The following USH2A variants were observed in gnomAD, a reference collection of about 807,000 sequenced individuals.
The protein encoded by USH2A is Usher syndrome 2A (autosomal recessive, mild).
In USH2A, 443 loss-of-function variants were observed where a neutral mutation model predicts 538.9. The ratio of observed to expected loss-of-function variants is 0.82; its 90% CI spans 0.76 to 0.89. The LOEUF (loss-of-function observed/expected upper bound fraction) is 0.89, where lower values mean the gene tolerates loss of function less well. USH2A is among the 40% of genes least tolerant of loss of function. The pLI is 0.00. For synonymous variants in USH2A, 2,413 were observed against 2,273.5 expected (o/e 1.06, Z -1.75); for missense variants, 6,633 against 6,324.8 (o/e 1.05, Z -1.65).
At chr1:215,746,168 T>G (rs1056648296) in intron 58 of USH2A, among the ~76,000 whole-genome samples, 4 of 152,198 alleles carry the variant, frequency 2.6e-5, no homozygotes, top group Admixed American at 1.3e-4. Context: ...CATGTCTGCG[T>G]GGTTTCTTTA....
At chr1:216,203,234 T>C (rs567681970) in intron 16 of USH2A, among the ~76,000 whole-genome samples, 1 of 151,908 alleles carries the variant, frequency 6.6e-6, no homozygotes, top group South Asian at 2.1e-4. Context: ...TATATGTATA[T>C]ATATACACAT....
chr1:216,095,543 C>A (rs1236731815), intron 22 of USH2A, among the ~76,000 whole-genome samples: 1 of 152,098 alleles, frequency 6.6e-6, no homozygotes, highest in Non-Finnish European at 1.5e-5. Context: ...TTACTCACTG[C>A]CCACCTGCTG....
At chr1:216,306,911 C>A (rs766481610) in intron 9 of USH2A, among the ~76,000 whole-genome samples, 1 of 152,172 alleles carries the variant, frequency 6.6e-6, no homozygotes, top group Non-Finnish European at 1.5e-5. Flanking sequence ...CCCTGGATAC[C>A]AGCACCTGCT....
chr1:215,671,368 G>A, intron 63 of USH2A, 75 bp from the exon 64 acceptor site: 1 of 1,433,776 alleles, frequency 7.0e-7, no homozygotes, highest in Non-Finnish European at 9.6e-7. Flanking sequence ...AAAACACCAG[G>A]CCTTAAAAAA....
chr1:215,723,488 T>C (rs886665733), intron 61 of USH2A, among the ~76,000 whole-genome samples: 3 of 152,200 alleles, frequency 2.0e-5, no homozygotes, highest in African/African-American at 7.2e-5. Flanking sequence ...AAGCTAGTGA[T>C]GGCACCACAA....
In USH2A at chr1:216,067,394, A is replaced by G. The variant is rs573436137; in HGVS notation, c.6049+2707T>C. On this transcript the variant is annotated intron_variant, in intron 30 of 71. Transcript: ENST00000307340. ...ACAAGCCTGCACATTCTGCACATGT[A>G]TCCCAGAACTTAAAGTATAATTAAA... Among the ~76,000 whole-genome samples, 530 of 152,004 alleles carry G rather than the reference A, an allele frequency of 3.5e-3. 5 individuals are homozygous for G. The highest frequency in any genetic ancestry group is 0.012 in the African/African-American group (503 of 41,438).
At chr1:216,376,914 TATCTGCTAAA>T (rs2038833169) in intron 3 of USH2A, among the ~76,000 whole-genome samples, 1 of 152,208 alleles carries the variant, frequency 6.6e-6, no homozygotes, top group Non-Finnish European at 1.5e-5. Flanking sequence ...GCATGAGTTA[TATCTGCTAAA>T]ATCTTCAACA....
At chr1:216,045,037 G>A (rs1245572115) in intron 32 of USH2A, among the ~76,000 whole-genome samples, 1 of 152,140 alleles carries the variant, frequency 6.6e-6, no homozygotes, top group Non-Finnish European at 1.5e-5. Flanking sequence ...CCCCCATGAA[G>A]CTGTGAGCAC....
At chr1:216,088,892 A>AAT in intron 23 of USH2A, 121 bp downstream of exon 23, 1 of 1,453,022 alleles carries the variant, frequency 6.9e-7, no homozygotes, top group Non-Finnish European at 9.4e-7. Context: ...ATTCAACAGC[A>AAT]ATATATATGG....
At position 215,648,543 on chromosome 1, in the gene USH2A, T is replaced by G. The variant is rs139799843; in HGVS notation, c.14567A>C (p.Asn4856Thr). ...SFRWSPPMFP[N>T]GVIHSYELQF... ...GACCCATTACCTGTGAATGACACCA[T>G]TGGGGAACATGGGGGGACTCCACCG... is the stretch of plus-strand genomic sequence containing the variant. Residue 4856 changes from asparagine (N) to threonine (T), a missense_variant, in exon 66 of 72, where the codon AAT becomes ACT. Physicochemically the swap from Asn to Thr is moderately conservative, Grantham distance 65 (BLOSUM62 0). Transcript: ENST00000307340. 3 of 1,614,114 alleles carry G rather than the reference T, an allele frequency of 1.9e-6. No homozygotes were observed. Among genetic ancestry groups the G allele is most frequent in the Non-Finnish European group, 2.5e-6 (3 of 1,180,004 alleles).
At chr1:215,929,999 T>G (rs1666324698) in intron 38 of USH2A, among the ~76,000 whole-genome samples, 1 of 152,028 alleles carries the variant, frequency 6.6e-6, no homozygotes, top group African/African-American at 2.4e-5. Context: ...CCATTTTGCC[T>G]TTTTCAATTT....
chr1:215,993,190 T>C lies in USH2A; in HGVS notation c.6658-23A>G, dbSNP rs772073037. The C allele has an allele frequency of 1.9e-6, 3 of 1,613,870 alleles. No individual in the cohort carries two copies. In the African/African-American group the frequency reaches 4.0e-5, roughly 22 times the overall value. On this transcript the variant is annotated intron_variant, in intron 34 of 71. Coordinates refer to ENST00000307340, the MANE Select transcript of USH2A (RefSeq NM_206933.4). Reference sequence around the variant, plus strand: ...AGCCTAAACAGAGATGCAAAAATGCTCATTTCACTCTTGGTCCCAAAAGTT... The same window carrying C: ...AGCCTAAACAGAGATGCAAAAATGCCCATTTCACTCTTGGTCCCAAAAGTT...
At chr1:216,011,706 T>A (rs1015374740) in intron 32 of USH2A, among the ~76,000 whole-genome samples, 21 of 152,160 alleles carry the variant, frequency 1.4e-4, no homozygotes, top group Non-Finnish European at 2.8e-4. Flanking sequence ...CTCAACTTAC[T>A]CTCTACATTT....
Position 216,048,661 on chromosome 1 carries a change from G to A in USH2A, c.6050-14C>T, listed in dbSNP as rs373004987. Reference sequence around the variant, plus strand: ...CTGTCAATATGCCTATAATAAAAAGGGACAAAAGAGGGTTGCGTGTTTACC... The same window carrying A: ...CTGTCAATATGCCTATAATAAAAAGAGACAAAAGAGGGTTGCGTGTTTACC... On this transcript the variant is annotated splice_polypyrimidine_tract_variant and intron_variant, in intron 30 of 71. Transcript: ENST00000307340. 37 of 1,602,786 alleles carry A rather than the reference G, an allele frequency of 2.3e-5. No homozygotes were observed. In the Middle Eastern group the frequency reaches 8.3e-4, roughly 36 times the overall value.
chr1:215,971,384 A>G (rs538750436), intron 35 of USH2A, among the ~76,000 whole-genome samples: 2 of 152,126 alleles, frequency 1.3e-5, no homozygotes, highest in Non-Finnish European at 2.9e-5. Flanking sequence ...AGCATTGAAA[A>G]TCTGCAGCAA....
intron 9 of USH2A, among the ~76,000 whole-genome samples, chr1:216,319,231 T>A (rs1252346774): frequency 6.6e-6 from 1 of 152,196 alleles, no homozygotes; most frequent in East Asian, 1.9e-4. Context: ...AGTGTCCATC[T>A]TAAGGGATCA....
At chr1:215,731,013 A>C (rs902713609) in intron 60 of USH2A, among the ~76,000 whole-genome samples, 4 of 152,238 alleles carry the variant, frequency 2.6e-5, no homozygotes, top group South Asian at 2.1e-4. Flanking sequence ...AAACAAACCT[A>C]TGATGGTCTA....
At chr1:216,290,832 C>A (rs1571667029) in intron 10 of USH2A, among the ~76,000 whole-genome samples, 1 of 152,148 alleles carries the variant, frequency 6.6e-6, no homozygotes, top group Non-Finnish European at 1.5e-5. Flanking sequence ...GTTGAGCCTA[C>A]TGCTCAAGCT....
chr1:216,210,662 G>T (rs565512610), intron 15 of USH2A, among the ~76,000 whole-genome samples: 1 of 152,208 alleles, frequency 6.6e-6, no homozygotes, highest in East Asian at 1.9e-4. Flanking sequence ...AGTAACTGTT[G>T]TAGTGATGGT....
Sources: gnomAD v4.1 joint callset for allele counts (sites outside exome capture counted in the v4.1 genomes callset) on GRCh38, gnomAD v4.1.1 for gene constraint, MANE v1.5 for transcripts, NCBI Gene and HGNC (gene_info 2026-07-23, HGNC 2026-07-21) for gene names.